The following DPP6 variants were observed in gnomAD, a reference collection of about 807,000 sequenced individuals.
DPP6 encodes the protein A-type potassium channel modulatory protein DPP6.
Under a neutral mutation model 122.6 loss-of-function variants are expected in DPP6, and 69 were observed. The observed-to-expected ratio is 0.56, with a 90% CI of 0.46 to 0.69. DPP6 has a LOEUF of 0.69. Among genes scored for constraint, DPP6 ranks in the 30% least tolerant of loss-of-function variants. DPP6 has a pLI of 0.00. For synonymous variants in DPP6, 418 were observed against 433.1 expected (o/e 0.97, Z 0.43); for missense variants, 928 against 1,116.9 (o/e 0.83, Z 2.41).
the DPP6 span, among the ~76,000 whole-genome samples, chr7:153,836,094 C>T: frequency 6.6e-6 from 1 of 152,222 alleles, no homozygotes; most frequent in Non-Finnish European, 1.5e-5. Context: ...TCTCCAAACA[C>T]CACCAGCCAA....
chr7:154,716,477 G>A (rs1841489919), intron 7 of DPP6, among the ~76,000 whole-genome samples: 1 of 152,158 alleles, frequency 6.6e-6, no homozygotes, highest in Admixed American at 6.5e-5. Flanking sequence ...TCTCTCCCAT[G>A]CACACCGAAT....
intron 16 of DPP6, among the ~76,000 whole-genome samples, chr7:154,841,916 G>A (rs561654145): frequency 2.6e-5 from 4 of 152,230 alleles, no homozygotes; most frequent in African/African-American, 9.6e-5. Context: ...TGATGTCAGC[G>A]ATAACAAGGT....
intron 7 of DPP6, among the ~76,000 whole-genome samples, chr7:154,712,420 A>G (rs1175968991): frequency 6.6e-6 from 1 of 152,234 alleles, no homozygotes; most frequent in African/African-American, 2.4e-5. Context: ...TTCACCAAGA[A>G]AGTGTATTTA....
intron 7 of DPP6, among the ~76,000 whole-genome samples, chr7:154,718,634 C>CTT (rs542191130): frequency 3.0e-4 from 34 of 111,478 alleles, no homozygotes; most frequent in Non-Finnish European, 3.9e-4. Flanking sequence ...CTTCCTCCTC[C>CTT]TTTTTTTTTT....
chr7:154,182,822 C>T (rs10245011), intron 1 of DPP6, among the ~76,000 whole-genome samples: 51,222 of 151,858 alleles, frequency 0.34, 8,891 homozygotes, highest in African/African-American at 0.41. Flanking sequence ...AGAAGACCAG[C>T]GCATTCCCGA....
intron 1 of DPP6, among the ~76,000 whole-genome samples, chr7:154,416,952 C>T (rs928064228): frequency 1.3e-5 from 2 of 152,096 alleles, no homozygotes; most frequent in Non-Finnish European, 2.9e-5. Context: ...TCATAGGCTC[C>T]GTGAAATCAT....
intron 3 of DPP6, among the ~76,000 whole-genome samples, chr7:154,490,742 A>G (rs2151386895): frequency 6.6e-6 from 1 of 152,304 alleles, no homozygotes; most frequent in East Asian, 1.9e-4. Context: ...CCATACATCC[A>G]TGCTAGCTGC....
At chr7:154,338,279 A>G (rs1177725614) in intron 1 of DPP6, among the ~76,000 whole-genome samples, 1 of 152,204 alleles carries the variant, frequency 6.6e-6, no homozygotes, top group Non-Finnish European at 1.5e-5. Context: ...CCTCTGATAC[A>G]GTATCTGAAA....
In DPP6 at chr7:154,892,444, G is replaced by A; in HGVS notation, c.2562G>A (p.Leu854=). The change falls in exon 26 of 26, where the codon CTG becomes CTA. Residue 854 remains leucine, a synonymous_variant. Coordinates refer to ENST00000377770, the MANE Select transcript of DPP6 (RefSeq NM_130797.4). ...GCTTCAGGATCCAGGACAAACTGCTGACAGTCACAGCGAAAGAGGACGAGG... is the reference window on the plus strand; with the variant it reads ...GCTTCAGGATCCAGGACAAACTGCTAACAGTCACAGCGAAAGAGGACGAGG... The part of the protein sequence containing the change: ...VECFRIQDKL[L]TVTAKEDEEE... The A allele has an allele frequency of 6.2e-7, 1 of 1,614,010 alleles. No homozygotes were observed. Among genetic ancestry groups the A allele is most frequent in the Non-Finnish European group, 8.5e-7 (1 of 1,179,894 alleles).
chr7:154,444,419 C>G (rs55672938), intron 1 of DPP6, among the ~76,000 whole-genome samples: 27 of 151,796 alleles, frequency 1.8e-4, no homozygotes, highest in Admixed American at 1.7e-3. Flanking sequence ...GAGCCGAGAT[C>G]GCACCACTGT....
intron 2 of DPP6, among the ~76,000 whole-genome samples, chr7:154,472,962 A>G (rs1822417073): frequency 6.6e-6 from 1 of 152,260 alleles, no homozygotes; most frequent in Non-Finnish European, 1.5e-5. Flanking sequence ...ATTTTCAGAA[A>G]GTGAATACAT....
intron 6 of DPP6, among the ~76,000 whole-genome samples, chr7:154,650,082 G>A (rs919593914): frequency 6.6e-6 from 1 of 152,188 alleles, no homozygotes; most frequent in African/African-American, 2.4e-5. Flanking sequence ...CATTTGGGGA[G>A]GTCAACGTGG....
At chr7:154,856,347 T>C (rs2150585186) in intron 17 of DPP6, among the ~76,000 whole-genome samples, 1 of 152,324 alleles carries the variant, frequency 6.6e-6, no homozygotes, top group South Asian at 2.1e-4. Context: ...TCCTTGGGGC[T>C]CCTAAAGCCT....
At chr7:154,317,680 A>G (rs1035284515) in intron 1 of DPP6, among the ~76,000 whole-genome samples, 17 of 152,356 alleles carry the variant, frequency 1.1e-4, no homozygotes, top group African/African-American at 4.1e-4. Context: ...ATTCTGAAGA[A>G]TTATGGCCCC....
chr7:154,253,508 T>C (rs1802478878), intron 1 of DPP6, among the ~76,000 whole-genome samples: 1 of 152,252 alleles, frequency 6.6e-6, no homozygotes. Flanking sequence ...CTTTGCATCC[T>C]GTTTGTGAGT....
chr7:153,813,100 T>C, the DPP6 span, among the ~76,000 whole-genome samples: 15 of 151,862 alleles, frequency 9.9e-5, no homozygotes. Context: ...ACATGTGCCA[T>C]GCTGGTGTGC....
chr7:153,824,047 A>G, the DPP6 span, among the ~76,000 whole-genome samples: 3 of 152,086 alleles, frequency 2.0e-5, no homozygotes, highest in African/African-American at 4.8e-5. Context: ...CCATTGGCCA[A>G]TCTCTGGGTG....
At chr7:154,714,991 AC>A (rs1034587541) in intron 7 of DPP6, among the ~76,000 whole-genome samples, 27 of 152,186 alleles carry the variant, frequency 1.8e-4, no homozygotes, top group African/African-American at 6.5e-4. Flanking sequence ...AGGCCCTCAC[AC>A]TTTTACCTGG....
intron 8 of DPP6, among the ~76,000 whole-genome samples, chr7:154,756,880 G>A (rs4960605): frequency 0.011 from 1,635 of 152,138 alleles, 23 homozygotes; most frequent in African/African-American, 0.037. Context: ...CACGGCCCCC[G>A]AGGAACAGGC....
Sources: gnomAD v4.1 joint callset for allele counts (sites outside exome capture counted in the v4.1 genomes callset) on GRCh38, gnomAD v4.1.1 for gene constraint, MANE v1.5 for transcripts, NCBI Gene and HGNC (gene_info 2026-07-23, HGNC 2026-07-21) for gene names.